The following MBNL2 variants were observed in gnomAD, a reference collection of about 807,000 sequenced individuals.
The protein encoded by MBNL2 is muscleblind-like protein 2.
A neutral mutation model predicts 41.9 loss-of-function variants in MBNL2; 17 were observed. That is an observed-to-expected ratio of 0.41 (90% confidence interval 0.28 to 0.61). MBNL2 has a LOEUF of 0.61. Among genes scored for constraint, MBNL2 ranks in the 20% least tolerant of loss-of-function variants. The probability of loss-of-function intolerance (pLI) is 0.35; values close to 1 mark genes in which losing one functional copy is unlikely to be tolerated. For missense variants in MBNL2, 336 were observed against 505.6 expected, an observed-to-expected ratio of 0.66 and a Z score of 3.22; for synonymous variants, 195 against 182.9, an observed-to-expected ratio of 1.07 and a Z score of -0.53.
intron 2 of MBNL2, among the ~76,000 whole-genome samples, chr13:97,312,990 T>C (rs570370604): frequency 2.0e-5 from 3 of 152,266 alleles, no homozygotes; most frequent in Non-Finnish European, 4.4e-5. Flanking sequence ...TGCAACCATG[T>C]TCCCCTGGTG....
At chr13:97,192,018 A>T in the MBNL2 span, among the ~76,000 whole-genome samples, 10 of 152,324 alleles carry the variant, frequency 6.6e-5, no homozygotes, top group South Asian at 1.9e-3. Flanking sequence ...TAGCTATGTA[A>T]GATGGGGAGT....
Position 97,225,163 on chromosome 13 carries a change from C to T in MBNL2, c.-605+2632C>T, listed in dbSNP as rs146032243. Among the ~76,000 whole-genome samples, 103 of 152,294 alleles carry T rather than the reference C, an allele frequency of 6.8e-4. No individual in the cohort carries two copies. The East Asian group carries it at 0.014, about 21-fold the overall frequency. ...ATATCACATGGCTACCAGCCAGTCC[C>T]GCGCTCAGGGAGTGCCATAGAAATT... On this transcript the variant is annotated intron_variant, in intron 1 of 8. Coordinates refer to ENST00000679496, the MANE Select transcript of MBNL2 (RefSeq NM_001382683.1).
At chr13:97,376,303 T>C (rs2064961305) in intron 8 of MBNL2, among the ~76,000 whole-genome samples, 1 of 152,156 alleles carries the variant, frequency 6.6e-6, no homozygotes, top group East Asian at 1.9e-4. Flanking sequence ...GCCTTTCTCC[T>C]CTCTGTCACA....
rs375641361 is a variant in MBNL2, at chr13:97,305,718, G to A, written c.175-28558G>A. On this transcript the variant is annotated intron_variant, in intron 2 of 8. Coordinates refer to ENST00000679496, the MANE Select transcript of MBNL2 (RefSeq NM_001382683.1). ...TGGGAGGTTGAGGCTGCAGTAAGCCGTGCGCACACCACTGCACTCCAGCCT... is the reference window on the plus strand; with the variant it reads ...TGGGAGGTTGAGGCTGCAGTAAGCCATGCGCACACCACTGCACTCCAGCCT... Among the ~76,000 whole-genome samples the A allele has an allele frequency of 9.2e-5, 14 of 152,104 alleles. No individual in the cohort carries two copies. In the South Asian group the frequency reaches 1.2e-3, roughly 14 times the overall value.
At chr13:97,290,451 T>C (rs1014903572) in intron 2 of MBNL2, among the ~76,000 whole-genome samples, 2 of 145,704 alleles carry the variant, frequency 1.4e-5, no homozygotes, top group East Asian at 4.1e-4. Context: ...TCGAGGCGGG[T>C]GGATCATGAG....
At chr13:97,241,793 G>A (rs1337322950) in intron 1 of MBNL2, among the ~76,000 whole-genome samples, 1 of 152,178 alleles carries the variant, frequency 6.6e-6, no homozygotes, top group African/African-American at 2.4e-5. Flanking sequence ...CATTTAAGGT[G>A]GGAAGGAGGG....
intron 3 of MBNL2, among the ~76,000 whole-genome samples, chr13:97,339,872 GGC>G (rs201809258): frequency 0.17 from 21,411 of 124,952 alleles, 3,503 homozygotes; most frequent in African/African-American, 0.4. Context: ...TTTGTGTGTG[GGC>G]GGGGGGGGCG....
the MBNL2 span, among the ~76,000 whole-genome samples, chr13:97,178,576 A>G: frequency 1.3e-5 from 2 of 152,178 alleles, no homozygotes; most frequent in Admixed American, 6.5e-5. Context: ...AATCAATAGA[A>G]ATGTCTAAAA....
the MBNL2 span, among the ~76,000 whole-genome samples, chr13:97,202,627 TATTAA>T: frequency 6.6e-6 from 1 of 152,112 alleles, no homozygotes; most frequent in Admixed American, 6.6e-5. Context: ...AAAAAATAAG[TATTAA>T]ATTAAAGACG....
In MBNL2 at chr13:97,334,441, G is replaced by A; in HGVS notation, c.339+1G>A. Reference sequence around the variant, plus strand: ...TCCAGGAACACCACTTCATCCAGTGGTGAGTACATCTTTATTCAGTGATGA... The same window carrying A: ...TCCAGGAACACCACTTCATCCAGTGATGAGTACATCTTTATTCAGTGATGA... On this transcript the variant is annotated splice_donor_variant, in intron 3 of 8. Transcript: ENST00000679496. LOFTEE classifies it high-confidence loss of function. This position sits in a 1 kb window ranked among gnomAD's most constrained non-coding sequence, Gnocchi z 5.3. The A allele has an allele frequency of 6.2e-7, 1 of 1,608,142 alleles. No individual in the cohort carries two copies.
chr13:97,343,356 G>A (rs972981343), intron 4 of MBNL2, 140 bp downstream of exon 4: 5 of 650,340 alleles, frequency 7.7e-6, no homozygotes, highest in Non-Finnish European at 1.3e-5. Context: ...TAAAACCCAT[G>A]TATTCATAAC....
At chr13:97,262,473 C>T (rs1255910549) in intron 1 of MBNL2, among the ~76,000 whole-genome samples, 1 of 152,154 alleles carries the variant, frequency 6.6e-6, no homozygotes, top group Non-Finnish European at 1.5e-5. Flanking sequence ...CTGTGGTTTG[C>T]CTTACTCCTC....
intron 2 of MBNL2, among the ~76,000 whole-genome samples, chr13:97,289,811 A>G: frequency 6.6e-6 from 1 of 152,244 alleles, no homozygotes; most frequent in East Asian, 1.9e-4. Flanking sequence ...ATAAGCAGAC[A>G]TAGCCAGCAA....
At chr13:97,388,314 C>CATACAT (rs1555323244) in intron 8 of MBNL2, among the ~76,000 whole-genome samples, 3 of 139,690 alleles carry the variant, frequency 2.1e-5, no homozygotes, top group African/African-American at 5.3e-5. Flanking sequence ...TACATACATA[C>CATACAT]ATATATATAT....
chr13:97,165,246 G>C, the MBNL2 span, among the ~76,000 whole-genome samples: 3 of 152,020 alleles, frequency 2.0e-5, no homozygotes, highest in East Asian at 5.8e-4. Flanking sequence ...AAATTTTAAG[G>C]GTCTATGCTA....
At chr13:97,383,169 A>G (rs1383476416) in intron 8 of MBNL2, among the ~76,000 whole-genome samples, 2 of 152,218 alleles carry the variant, frequency 1.3e-5, no homozygotes, top group Admixed American at 6.5e-5. Flanking sequence ...CATGAGAGCC[A>G]CAGAAATGAT....
At chr13:97,261,243 G>A (rs751420548) in intron 1 of MBNL2, among the ~76,000 whole-genome samples, 7 of 152,026 alleles carry the variant, frequency 4.6e-5, no homozygotes, top group Non-Finnish European at 7.4e-5. Context: ...GAGTATCAGC[G>A]ATGCCCACTT....
At chr13:97,254,211 A>C (rs1184995625) in intron 1 of MBNL2, among the ~76,000 whole-genome samples, 1 of 152,202 alleles carries the variant, frequency 6.6e-6, no homozygotes, top group African/African-American at 2.4e-5. Context: ...AAAATATGTA[A>C]AATTTTAACT....
the MBNL2 span, among the ~76,000 whole-genome samples, chr13:97,185,719 T>C: frequency 1.3e-5 from 2 of 152,292 alleles, no homozygotes; most frequent in East Asian, 3.9e-4. Context: ...CCCCACACCT[T>C]GATTTCAGCA....
Sources: allele counts gnomAD v4.1 joint callset (sites outside exome capture counted in the v4.1 genomes callset), GRCh38; gene constraint gnomAD v4.1.1; non-coding constraint Gnocchi (gnomAD v3.1); transcripts MANE v1.5; gene names NCBI Gene and HGNC (gene_info 2026-07-23, HGNC 2026-07-21).